The following CSNK1G1 variants were observed in gnomAD, a reference collection of about 807,000 sequenced individuals.
CSNK1G1 encodes casein kinase 1 gamma 1, also known as casein kinase I isoform gamma-1.
In CSNK1G1, 22 loss-of-function variants were observed where a neutral mutation model predicts 59.6. The ratio of observed to expected loss-of-function variants is 0.37; its 90% CI spans 0.26 to 0.53. The LOEUF (loss-of-function observed/expected upper bound fraction) is 0.53. Ranked by LOEUF, CSNK1G1 falls within the 20% of genes least tolerant of loss-of-function variation. The pLI is 0.89. For synonymous variants in CSNK1G1, 179 were observed against 177.1 expected (o/e 1.01, Z -0.08); for missense variants, 384 against 519.5 (o/e 0.74, Z 2.54).
chr15:64,339,808 T>G (rs1345349045), intron 1 of CSNK1G1, among the ~76,000 whole-genome samples: 1 of 152,234 alleles, frequency 6.6e-6, no homozygotes, highest in African/African-American at 2.4e-5. Flanking sequence ...GAGGAGTGAC[T>G]GACAGTTCTC....
chr15:64,339,873 T>C (rs1212596619), intron 1 of CSNK1G1, among the ~76,000 whole-genome samples: 7 of 152,176 alleles, frequency 4.6e-5, no homozygotes, highest in Non-Finnish European at 1.5e-5. Flanking sequence ...TAGAGAATGG[T>C]CTTTTCAAAC....
At chr15:64,248,312 CA>C (rs1370957286) in intron 4 of CSNK1G1, among the ~76,000 whole-genome samples, 1 of 152,180 alleles carries the variant, frequency 6.6e-6, no homozygotes, top group Non-Finnish European at 1.5e-5. Context: ...ATTTTCTTGT[CA>C]ATTGATCTTC....
intron 1 of CSNK1G1, among the ~76,000 whole-genome samples, chr15:64,349,794 ACC>A (rs1898181211): frequency 2.6e-5 from 4 of 151,942 alleles, no homozygotes; most frequent in African/African-American, 9.7e-5. Context: ...TCCAAAATGA[ACC>A]TAGCATGGTG....
In CSNK1G1 at chr15:64,300,671, T is replaced by C. The variant is rs566699317; in HGVS notation, c.-172A>G. 5.3e-5 allele frequency: 68 copies of C among 1,283,032 alleles called. No individual in the cohort carries two copies. The South Asian group carries it at 1.9e-3, about 35-fold the overall frequency. The allele number at this position is 1,283,032 out of a possible 1,614,324, so 79.5% of individuals were successfully genotyped here. ...GGGAGATGAAAAACCATTTATTTGT[T>C]CCCGTAGGAAATGTAGTCACTAGGT... On this transcript the variant is annotated 5_prime_UTR_variant, in exon 2 of 12. Transcript: ENST00000303052.
rs1423186940 is a variant in CSNK1G1, at chr15:64,214,170, G to A, written c.445-46C>T. On this transcript the variant is annotated intron_variant, in intron 5 of 11. Coordinates refer to ENST00000303052, the MANE Select transcript of CSNK1G1 (RefSeq NM_022048.5). This position sits in a 1 kb window ranked among gnomAD's most constrained non-coding sequence, Gnocchi z 4.3. The stretch of plus-strand genomic sequence containing the variant: ...AGAAAGACTGTAAAGAAGTATATCA[G>A]GAAAATACATCAAAACAGTTTCTTT... The A allele has an allele frequency of 7.5e-7, 1 of 1,334,090 alleles. No individual in the cohort carries two copies. The highest frequency in any genetic ancestry group is 1.1e-6 in the Non-Finnish European group (1 of 927,784). The allele number at this position is 1,334,090 out of a possible 1,614,324, so 82.6% of individuals were successfully genotyped here.
rs558116381 is a variant in CSNK1G1 at position 64,256,067 on chromosome 15, T to C, written c.222+3134A>G. Among the ~76,000 whole-genome samples, 10 of 152,352 alleles carry C rather than the reference T, an allele frequency of 6.6e-5. No individual in the cohort carries two copies. In the East Asian group the frequency reaches 1.7e-3, roughly 26 times the overall value. Reference sequence around the variant, plus strand: ...ATATCACTCTTATGTCTCCATCTGGTTGCAGATATTCCACTGAATCACTAT... The same window carrying C: ...ATATCACTCTTATGTCTCCATCTGGCTGCAGATATTCCACTGAATCACTAT... On this transcript the variant is annotated intron_variant, in intron 3 of 11. Transcript: ENST00000303052.
intron 1 of CSNK1G1, among the ~76,000 whole-genome samples, chr15:64,307,718 GCT>G (rs200919643): frequency 0.012 from 1,890 of 152,202 alleles, 28 homozygotes; most frequent in African/African-American, 0.044. Flanking sequence ...ACGGAGTCTC[GCT>G]CTGTCACCCA....
intron 1 of CSNK1G1, among the ~76,000 whole-genome samples, chr15:64,307,432 G>A (rs1895738231): frequency 6.6e-6 from 1 of 152,104 alleles, no homozygotes; most frequent in Non-Finnish European, 1.5e-5. Flanking sequence ...ACAAAATATT[G>A]GCCAGGCATG....
At chr15:64,190,517 C>T (rs539213329) in intron 10 of CSNK1G1, among the ~76,000 whole-genome samples, 3 of 152,024 alleles carry the variant, frequency 2.0e-5, no homozygotes, top group East Asian at 2.0e-4. Flanking sequence ...CAGGTTCAAG[C>T]GATTCTCCTG....
At chr15:64,250,675 G>A (rs72756957) in intron 4 of CSNK1G1, among the ~76,000 whole-genome samples, 6,726 of 152,178 alleles carry the variant, frequency 0.044, 195 homozygotes, top group South Asian at 0.085. Flanking sequence ...AGCCTAGAAG[G>A]CCCAGGCTGC....
intron 4 of CSNK1G1, among the ~76,000 whole-genome samples, chr15:64,237,254 C>T (rs542019189): frequency 6.6e-6 from 1 of 152,120 alleles, no homozygotes; most frequent in Non-Finnish European, 1.5e-5. Context: ...CAAAATTGCA[C>T]AGGTATCCTC....
In CSNK1G1 at chr15:64,214,288, AT is replaced by A. The variant is rs1481286132; in HGVS notation, c.445-165del. On this transcript the variant is annotated intron_variant, in intron 5 of 11. Coordinates refer to ENST00000303052, the MANE Select transcript of CSNK1G1 (RefSeq NM_022048.5). This position sits in a 1 kb window ranked among gnomAD's most constrained non-coding sequence, Gnocchi z 4.3. Reference sequence around the variant, plus strand: ...TTCACTGACTTGTAAACAAAAAAATATTTTGCTATAAATACGTACACAACAA... The same window carrying A: ...TTCACTGACTTGTAAACAAAAAAATATTTGCTATAAATACGTACACAACAA... 1.6e-6 allele frequency: 1 copy of A among 614,634 alleles called. No individual in the cohort carries two copies. Among genetic ancestry groups the A allele is most frequent in the Non-Finnish European group, 2.9e-6 (1 of 348,232 alleles). 38.1% of individuals were successfully genotyped at this position (614,634 alleles called of 1,614,324 possible).
In CSNK1G1 at chr15:64,248,046, C is replaced by T. The variant is rs7168063; in HGVS notation, c.292+3466G>A. Among the ~76,000 whole-genome samples the T allele has an allele frequency of 8.4e-3, 1,279 of 152,234 alleles. 19 individuals carry two copies. Among genetic ancestry groups the T allele is most frequent in the African/African-American group, 0.029 (1,200 of 41,522 alleles). ...CAGACAAAACACTAGTGAGTAAAAA[C>T]ACTAATTATGTTACTGTGGTCTTTG... On this transcript the variant is annotated intron_variant, in intron 4 of 11. Transcript: ENST00000303052.
chr15:64,189,979 C>T (rs1195712742), intron 10 of CSNK1G1, among the ~76,000 whole-genome samples: 2 of 151,976 alleles, frequency 1.3e-5, no homozygotes, highest in African/African-American at 4.8e-5. Flanking sequence ...GCACCATGCC[C>T]GGCTAATTTT....
At chr15:64,190,660 C>T (rs952575758) in intron 10 of CSNK1G1, among the ~76,000 whole-genome samples, 2 of 151,864 alleles carry the variant, frequency 1.3e-5, no homozygotes, top group Admixed American at 6.6e-5. Flanking sequence ...GTGATCCACC[C>T]GCCTCGGCCT....
At chr15:64,270,725 A>C (rs1245527787) in intron 2 of CSNK1G1, among the ~76,000 whole-genome samples, 11 of 148,220 alleles carry the variant, frequency 7.4e-5, no homozygotes, top group Admixed American at 5.4e-4. Context: ...GTGCCACTGC[A>C]CTCCAGCCTG....
At chr15:64,355,485 A>G (rs1464364042) in intron 1 of CSNK1G1, among the ~76,000 whole-genome samples, 1 of 152,204 alleles carries the variant, frequency 6.6e-6, no homozygotes, top group Non-Finnish European at 1.5e-5. Context: ...GGAAAGTCTC[A>G]TTACCCACTC....
At chr15:64,219,231 T>C (rs1175833687) in intron 4 of CSNK1G1, among the ~76,000 whole-genome samples, 1 of 152,148 alleles carries the variant, frequency 6.6e-6, no homozygotes, top group Non-Finnish European at 1.5e-5. Flanking sequence ...ACCCAACTAG[T>C]TGTTTCCAAT....
rs189488318 is a variant in CSNK1G1 at position 64,225,472 on chromosome 15, T to A, written c.293-8759A>T. Among the ~76,000 whole-genome samples the A allele has an allele frequency of 2.1e-3, 322 of 152,256 alleles. 1 individual carries two copies. Among genetic ancestry groups the A allele is most frequent in the African/African-American group, 7.5e-3 (310 of 41,564 alleles). ...GGGACCTTCATCTGCATATATGCCA[T>A]AGGTGAGATGCCTCTGATTGGTCCT... is the stretch of plus-strand genomic sequence containing the variant. On this transcript the variant is annotated intron_variant, in intron 4 of 11. Transcript: ENST00000303052.
Sources: allele counts gnomAD v4.1 joint callset (sites outside exome capture counted in the v4.1 genomes callset), GRCh38; gene constraint gnomAD v4.1.1; non-coding constraint Gnocchi (gnomAD v3.1); transcripts MANE v1.5; gene names NCBI Gene and HGNC (gene_info 2026-07-23, HGNC 2026-07-21).